Variants in ATP6V0A4 observed in about 807,000 individuals in gnomAD.
ATP6V0A4 encodes ATPase H+ transporting V0 subunit a4.
Under a neutral mutation model 107.3 loss-of-function variants are expected in ATP6V0A4, and 86 were observed. The ratio of observed to expected loss-of-function variants is 0.80; its 90% CI spans 0.67 to 0.96. The LOEUF is 0.96. Ranked by LOEUF, ATP6V0A4 falls within the 40% of genes least tolerant of loss-of-function variation. ATP6V0A4 has a pLI of 0.00. For missense variants in ATP6V0A4, 908 were observed against 1,045.6 expected (o/e 0.87, Z 1.81); for synonymous variants, 353 against 381.4 (o/e 0.93, Z 0.87).
intron 3 of ATP6V0A4, 91 bp downstream of exon 3, chr7:138,771,040 A>G: frequency 1.6e-6 from 2 of 1,266,672 alleles, no homozygotes; most frequent in East Asian, 4.6e-5. Flanking sequence ...TCCCTACAAA[A>G]TGGTTATTGT....
Position 138,773,391 on chromosome 7 carries a change from T to A in ATP6V0A4, c.-17-2127A>T, listed in dbSNP as rs1807494308. Among the ~76,000 whole-genome samples the A allele has an allele frequency of 6.6e-6, 1 of 152,134 alleles. No individual in the cohort carries two copies. The highest frequency in any genetic ancestry group is 1.5e-5 in the Non-Finnish European group (1 of 68,038). ...CACTCCTCCAGTCTCCATGTAAGGATCTTCTTCCTCCACAAGCCTTCCCTG... is the reference window on the plus strand; with the variant it reads ...CACTCCTCCAGTCTCCATGTAAGGAACTTCTTCCTCCACAAGCCTTCCCTG... On this transcript the variant is annotated intron_variant, in intron 2 of 21. Coordinates refer to ENST00000310018, the MANE Select transcript of ATP6V0A4 (RefSeq NM_020632.3). The surrounding 1 kb of genome is among the most constrained non-coding windows in gnomAD (Gnocchi z 5.4).
rs1462089642 is a variant in ATP6V0A4 at position 138,756,495 on chromosome 7, C to A, written c.685G>T (p.Glu229Ter). 1 of 1,612,642 alleles carries A rather than the reference C, an allele frequency of 6.2e-7. No homozygotes were observed. The highest frequency in any genetic ancestry group is 1.3e-5 in the African/African-American group (1 of 74,794). ...KNIFIIFYQG[E>*]QLRQKIKKIC... ...TTCTTGATTTTCTGCCTGAGCTGCT[C>A]TCCTTGGTAAAATATGATGAATATG... is the stretch of plus-strand genomic sequence containing the variant. Residue 229 changes from glutamate to a stop codon, truncating the protein, a stop_gained, in exon 9 of 22, where the codon GAG (glutamate) becomes TAG (stop). Coordinates refer to ENST00000310018, the MANE Select transcript of ATP6V0A4 (RefSeq NM_020632.3). LOFTEE classifies it high-confidence loss of function.
In ATP6V0A4 at chr7:138,745,255, C is replaced by T. The variant is rs1443883930; in HGVS notation, c.1346G>A (p.Arg449His). ...GATGCCCATAAGTAGGATCAGATAG[C>T]GCCCGTGGAAGAAGGTGTTCCAAAT... is the stretch of plus-strand genomic sequence containing the variant. The part of the protein sequence containing the change: ...NEIWNTFFHG[R>H]YLILLMGIFS... The change falls in exon 14 of 22, where the codon CGC becomes CAC. Residue 449 changes from arginine (R) to histidine (H), a missense_variant. Physicochemically the swap from Arg to His is conservative, Grantham distance 29. Coordinates refer to ENST00000310018, the MANE Select transcript of ATP6V0A4 (RefSeq NM_020632.3). The T allele has an allele frequency of 1.1e-5, 18 of 1,613,914 alleles. No individual in the cohort carries two copies. The highest frequency in any genetic ancestry group is 1.7e-5 in the Admixed American group (1 of 59,982).
intron 5 of ATP6V0A4, 104 bp from the exon 6 acceptor site, chr7:138,763,129 C>G: frequency 6.5e-7 from 1 of 1,527,666 alleles, no homozygotes; most frequent in Non-Finnish European, 8.8e-7. Context: ...GGAATCAGCA[C>G]ATAACATGAT....
chr7:138,753,108 G>A (rs1055444240), intron 10 of ATP6V0A4, among the ~76,000 whole-genome samples: 24 of 152,168 alleles, frequency 1.6e-4, no homozygotes, highest in Non-Finnish European at 2.2e-4. Context: ...AAAGAGTCCT[G>A]AACTCTGATA....
intron 9 of ATP6V0A4, 77 bp from the exon 10 acceptor site, chr7:138,755,859 A>G: frequency 6.4e-7 from 1 of 1,574,106 alleles, no homozygotes. Context: ...CTGCTAAGAC[A>G]TCGTTTGCTG....
rs761402968 is a variant in ATP6V0A4 at position 138,721,955 on chromosome 7, C to T, written c.2081G>A (p.Arg694His). 10 of 1,614,052 alleles carry T rather than the reference C, an allele frequency of 6.2e-6. No individual in the cohort carries two copies. The South Asian group carries it at 8.8e-5, about 14-fold the overall frequency. ...IEGDSSSPSS[R>H]SGQRTSADTH... The stretch of plus-strand genomic sequence containing the variant: ...ATCTGCAGAAGTCCTCTGGCCAGAA[C>T]GGCTAGAAGGGCTGGAGCTATCACC... Residue 694 changes from arginine to histidine, a missense_variant, in exon 19 of 22, where the codon CGT becomes CAT. Coordinates refer to ENST00000310018, the MANE Select transcript of ATP6V0A4 (RefSeq NM_020632.3).
In ATP6V0A4 at chr7:138,721,778, G is replaced by T. The variant is rs1020212347; in HGVS notation, c.2139+119C>A. On this transcript the variant is annotated intron_variant, in intron 19 of 21. Transcript: ENST00000310018. ...GACCTTCACAGCTTCCCAGGACTCA[G>T]CAGTGACAGGGCTACTGCCCCGTGG... 35 of 1,136,924 alleles carry T rather than the reference G, an allele frequency of 3.1e-5. No individual in the cohort carries two copies. In the African/African-American group the frequency reaches 4.6e-4, roughly 15 times the overall value. The allele number at this position is 1,136,924 out of a possible 1,614,324, so 70.4% of individuals were successfully genotyped here. A position where few individuals can be genotyped will look rare whatever the true frequency, so the allele number is the denominator to read the frequency against.
Position 138,732,894 on chromosome 7 carries a change from G to C in ATP6V0A4, c.1891C>G (p.Pro631Ala). The C allele has an allele frequency of 6.2e-7, 1 of 1,612,612 alleles. No homozygotes were observed. Among genetic ancestry groups the C allele is most frequent in the Non-Finnish European group, 8.5e-7 (1 of 1,179,092 alleles). ...LFNYSDSSNAPLYKHQQEVQS... is the reference protein window; with the variant it reads ...LFNYSDSSNAALYKHQQEVQS... ...AGAAATACCTGATGTTTGTAGAGGG[G>C]TGCGTTGGAAGAGTCACTGTAGTTA... is the stretch of plus-strand genomic sequence containing the variant. The change falls in exon 17 of 22, where the codon CCC becomes GCC. Residue 631 changes from proline to alanine, a missense_variant. By Grantham distance (27) the Pro-to-Ala change is conservative. Coordinates refer to ENST00000310018, the MANE Select transcript of ATP6V0A4 (RefSeq NM_020632.3).
intron 11 of ATP6V0A4, among the ~76,000 whole-genome samples, chr7:138,749,986 C>T (rs182111924): frequency 8.1e-4 from 124 of 152,256 alleles, no homozygotes; most frequent in African/African-American, 2.9e-3. Flanking sequence ...CTCCCCTCTC[C>T]GTTTATCTAA....
At chr7:138,774,124 A>T (rs1297767289) in intron 2 of ATP6V0A4, 1 of 152,308 alleles carries the variant, frequency 6.6e-6, no homozygotes, top group African/African-American at 2.4e-5. Flanking sequence ...GCCCTCTGCC[A>T]TGACCTTAAG....
In ATP6V0A4 at chr7:138,740,685, G is replaced by A. The variant is rs544700486; in HGVS notation, c.1479-1052C>T. On this transcript the variant is annotated intron_variant, in intron 14 of 21. Transcript: ENST00000310018. Reference sequence around the variant, plus strand: ...TCGAACTCCTGACCTCAAGTGATCCGCCTGCCTCGGCCTCCCAAAGTGCTG... The same window carrying A: ...TCGAACTCCTGACCTCAAGTGATCCACCTGCCTCGGCCTCCCAAAGTGCTG... Among the ~76,000 whole-genome samples, 91 of 151,418 alleles carry A rather than the reference G, an allele frequency of 6.0e-4. No homozygotes were observed. In the South Asian group the frequency reaches 0.016, roughly 27 times the overall value.
chr7:138,791,191 A>C (rs1482612232), intron 1 of ATP6V0A4, among the ~76,000 whole-genome samples: 2 of 152,204 alleles, frequency 1.3e-5, no homozygotes, highest in Non-Finnish European at 2.9e-5. Flanking sequence ...ACTAAAACTA[A>C]GATAATCGAA....
At position 138,706,717 on chromosome 7, in the gene ATP6V0A4, C is replaced by T; in HGVS notation, c.2430G>A (p.Trp810Ter). The stretch of plus-strand genomic sequence containing the variant: ...CATAGAACTTGTTCTGGAACTCAAC[C>T]CTGTTGTTGAGGGGAGGCCGTGGGG... Reference protein sequence around the residue: ...SAFLHALRLHWVEFQNKFYVG... With the variant: ...SAFLHALRLH The change falls in exon 22 of 22, where the codon TGG becomes TGA. Residue 810 changes from tryptophan to a stop codon, truncating the protein, a stop_gained and splice_region_variant. Coordinates refer to ENST00000310018, the MANE Select transcript of ATP6V0A4 (RefSeq NM_020632.3). LOFTEE classifies it high-confidence loss of function. 6.2e-7 allele frequency: 1 copy of T among 1,613,174 alleles called. No individual in the cohort carries two copies. The highest frequency in any genetic ancestry group is 8.5e-7 in the Non-Finnish European group (1 of 1,179,664).
At chr7:138,713,019 G>A (rs891071354) in intron 20 of ATP6V0A4, among the ~76,000 whole-genome samples, 5 of 152,176 alleles carry the variant, frequency 3.3e-5, no homozygotes, top group East Asian at 3.9e-4. Flanking sequence ...GGCCGGGCGC[G>A]GTGGCTCACG....
rs977638982 is a variant in ATP6V0A4, at chr7:138,755,719, G to A, written c.786C>T (p.Ser262=). Residue 262 remains serine (S), a synonymous_variant, in exon 10 of 22, where the codon AGC becomes AGT. Transcript: ENST00000310018. Reference sequence around the variant, plus strand: ...TTAAATCTTCCAGCCTCACATTGACGCTCTCCAACATCTCTCTGCGCTCCA... The same window carrying A: ...TTAAATCTTCCAGCCTCACATTGACACTCTCCAACATCTCTCTGCGCTCCA... The part of the protein sequence containing the change: ...PAVERREMLE[S]VNVRLEDLIT... 8.7e-6 allele frequency: 14 copies of A among 1,613,714 alleles called. 1 individual carries two copies. Among genetic ancestry groups the A allele is most frequent in the South Asian group, 6.6e-5 (6 of 91,088 alleles).
chr7:138,795,143 C>T lies in ATP6V0A4; in HGVS notation c.-121+2891G>A, dbSNP rs189225009. Among the ~76,000 whole-genome samples the T allele has an allele frequency of 4.6e-3, 700 of 152,242 alleles. 3 individuals are homozygous for T. Among genetic ancestry groups the T allele is most frequent in the African/African-American group, 0.016 (662 of 41,548 alleles). On this transcript the variant is annotated intron_variant, in intron 1 of 21. Transcript: ENST00000310018. ...TCTCGAACTCCTGACCTCAAATGAG[C>T]CACCTGCCTCAGTTTCCCAAAGTGC... is the stretch of plus-strand genomic sequence containing the variant.
chr7:138,709,809 G>A lies in ATP6V0A4; in HGVS notation c.2258-14C>T. 6.2e-7 allele frequency: 1 copy of A among 1,613,336 alleles called. No homozygotes were observed. Among genetic ancestry groups the A allele is most frequent in the East Asian group, 2.2e-5 (1 of 44,850 alleles). Reference sequence around the variant, plus strand: ...CTTCAGACAGTTCTGCAAGGTACGAGAAACCACTGGGATTATCTTGTAAAT... The same window carrying A: ...CTTCAGACAGTTCTGCAAGGTACGAAAAACCACTGGGATTATCTTGTAAAT... On this transcript the variant is annotated splice_polypyrimidine_tract_variant and intron_variant, in intron 20 of 21. Coordinates refer to ENST00000310018, the MANE Select transcript of ATP6V0A4 (RefSeq NM_020632.3).
Position 138,728,754 on chromosome 7 carries a change from C to T in ATP6V0A4, c.2010+7G>A. ...AAGTAGGGTGAACTGAAACAAACAG[C>T]CCTTACCTGGGATTTCCGATGACTG... is the stretch of plus-strand genomic sequence containing the variant. On this transcript the variant is annotated splice_region_variant and intron_variant, in intron 18 of 21. Transcript: ENST00000310018. 1 of 1,614,160 alleles carries T rather than the reference C, an allele frequency of 6.2e-7. No homozygotes were observed. Among genetic ancestry groups the T allele is most frequent in the South Asian group, 1.1e-5 (1 of 91,088 alleles).
Sources: allele counts gnomAD v4.1 joint callset (sites outside exome capture counted in the v4.1 genomes callset), GRCh38; gene constraint gnomAD v4.1.1; non-coding constraint Gnocchi (gnomAD v3.1); transcripts MANE v1.5; gene names NCBI Gene and HGNC (gene_info 2026-07-23, HGNC 2026-07-21).